PARD3B: variants seen among roughly 807,000 people sequenced by gnomAD.
PARD3B encodes the protein partitioning defective 3 homolog B.
In PARD3B, 103 loss-of-function variants were observed where a neutral mutation model predicts 130.2. That is an observed-to-expected ratio of 0.79 (90% CI 0.67 to 0.93). PARD3B has a LOEUF of 0.93. Ranked by LOEUF, PARD3B falls within the 40% of genes least tolerant of loss-of-function variation. The pLI is 0.00. For synonymous variants in PARD3B, 583 were observed against 553.2 expected (o/e 1.05, Z -0.76); for missense variants, 1,609 against 1,499.2 (o/e 1.07, Z -1.21).
chr2:204,885,325 GT>G (rs1029215051), intron 2 of PARD3B, among the ~76,000 whole-genome samples: 3 of 152,018 alleles, frequency 2.0e-5, no homozygotes, highest in Non-Finnish European at 4.4e-5. Flanking sequence ...TAATGGGGTT[GT>G]TTTTTTCTTG....
intron 10 of PARD3B, among the ~76,000 whole-genome samples, chr2:205,135,308 A>C (rs1393476379): frequency 6.6e-6 from 1 of 152,170 alleles, no homozygotes; most frequent in Non-Finnish European, 1.5e-5. Context: ...TGATCAGTAC[A>C]TTTGTTAAGG....
At chr2:205,132,061 A>G (rs377389234) in intron 10 of PARD3B, among the ~76,000 whole-genome samples, 24 of 152,210 alleles carry the variant, frequency 1.6e-4, no homozygotes, top group African/African-American at 5.8e-4. Flanking sequence ...AGTTGTTAGG[A>G]TTAAATGAGA....
intron 4 of PARD3B, among the ~76,000 whole-genome samples, chr2:205,057,653 A>G (rs1699794643): frequency 8.5e-6 from 1 of 117,308 alleles, no homozygotes; most frequent in Non-Finnish European, 1.8e-5. Context: ...GTGTATGTGT[A>G]TACGTACATA....
intron 18 of PARD3B, among the ~76,000 whole-genome samples, chr2:205,400,181 C>A (rs1334518318): frequency 6.6e-6 from 1 of 152,118 alleles, no homozygotes; most frequent in Non-Finnish European, 1.5e-5. Context: ...TAGTTTCTCA[C>A]TCTCTATTGC....
chr2:204,941,250 C>T (rs1688876210), intron 2 of PARD3B, among the ~76,000 whole-genome samples: 1 of 152,086 alleles, frequency 6.6e-6, no homozygotes, highest in Non-Finnish European at 1.5e-5. Flanking sequence ...GGCACGTGCC[C>T]ATAGTCCCGG....
chr2:205,313,722 C>T (rs2042469319), intron 18 of PARD3B, among the ~76,000 whole-genome samples: 1 of 152,154 alleles, frequency 6.6e-6, no homozygotes. Flanking sequence ...CCCTTTATCT[C>T]ATTACTTTTC....
In PARD3B at chr2:205,470,882, G is replaced by T. The variant is rs752723573; in HGVS notation, c.3045-29014G>T. Among the ~76,000 whole-genome samples the T allele has an allele frequency of 6.6e-6, 1 of 152,172 alleles. No individual in the cohort carries two copies. The highest frequency in any genetic ancestry group is 1.5e-5 in the Non-Finnish European group (1 of 68,028). ...CATTACAGACAAGTAGACATGGAAGGATACTTTAAAACAAAGTGTGTTTTC... is the reference window on the plus strand; with the variant it reads ...CATTACAGACAAGTAGACATGGAAGTATACTTTAAAACAAAGTGTGTTTTC... On this transcript the variant is annotated intron_variant, in intron 20 of 22. Transcript: ENST00000406610. The surrounding 1 kb of genome is among the most constrained non-coding windows in gnomAD (Gnocchi z 4.8).
intron 2 of PARD3B, among the ~76,000 whole-genome samples, chr2:204,733,697 G>C (rs1297053601): frequency 2.0e-5 from 3 of 152,060 alleles, no homozygotes; most frequent in African/African-American, 7.2e-5. Context: ...TTAGAAGATA[G>C]ATCAATAACT....
At chr2:205,082,537 G>A (rs1383179673) in intron 4 of PARD3B, among the ~76,000 whole-genome samples, 1 of 152,124 alleles carries the variant, frequency 6.6e-6, no homozygotes, top group African/African-American at 2.4e-5. Context: ...AACGCAGAAA[G>A]CAAAACTGCA....
At chr2:205,197,023 T>TGGG (rs5837962) in intron 15 of PARD3B, among the ~76,000 whole-genome samples, 18 of 130,638 alleles carry the variant, frequency 1.4e-4, no homozygotes, top group South Asian at 5.2e-4. Flanking sequence ...GCTTCCACTG[T>TGGG]GGGGGGGGGG....
rs1021869684 is a variant in PARD3B at position 205,016,262 on chromosome 2, T to C, written c.395-31319T>C. 3.3e-5 allele frequency among the ~76,000 whole-genome samples: 5 copies of C among 152,202 alleles called. No homozygotes were observed. The South Asian group carries it at 1.0e-3, about 32-fold the overall frequency. On this transcript the variant is annotated intron_variant, in intron 3 of 22. Coordinates refer to ENST00000406610, the MANE Select transcript of PARD3B (RefSeq NM_001302769.2). ...AACTGTAATGGCCTCCTCTAGCACA[T>C]AGAATGAAATGTAAACCCTTCTGCA...
intron 1 of PARD3B, among the ~76,000 whole-genome samples, chr2:204,681,865 G>A (rs1179814013): frequency 6.6e-6 from 1 of 152,162 alleles, no homozygotes; most frequent in Admixed American, 6.5e-5. Context: ...GTACATTTTT[G>A]TAATTCTCTA....
chr2:204,582,540 C>A (rs1206225880), intron 1 of PARD3B, among the ~76,000 whole-genome samples: 1 of 152,044 alleles, frequency 6.6e-6, no homozygotes, highest in Non-Finnish European at 1.5e-5. Context: ...AGAGTGACAC[C>A]CAACTTCTTA....
intron 18 of PARD3B, among the ~76,000 whole-genome samples, chr2:205,312,144 T>C (rs871140): frequency 0.34 from 51,705 of 152,152 alleles, 10,797 homozygotes; most frequent in Non-Finnish European, 0.46. Flanking sequence ...ATAAATGTAA[T>C]GTGGCCGCAG....
In PARD3B at chr2:205,525,128, G is replaced by A. The variant is rs1477334813; in HGVS notation, c.3180+25097G>A. On this transcript the variant is annotated intron_variant, in intron 21 of 22. Transcript: ENST00000406610. This position sits in a 1 kb window ranked among gnomAD's most constrained non-coding sequence, Gnocchi z 4.2. ...GCTGCAACTTTCTTATTCACACACA[G>A]TAAAGCAATGCCTAGCTCATGGTAT... 6.6e-6 allele frequency among the ~76,000 whole-genome samples: 1 copy of A among 152,148 alleles called. No homozygotes were observed. The highest frequency in any genetic ancestry group is 2.4e-5 in the African/African-American group (1 of 41,446).
chr2:205,001,571 C>T (rs1264979718), intron 3 of PARD3B, among the ~76,000 whole-genome samples: 1 of 152,210 alleles, frequency 6.6e-6, no homozygotes, highest in African/African-American at 2.4e-5. Flanking sequence ...AATACCTGGC[C>T]TTCCTGGTTG....
intron 2 of PARD3B, among the ~76,000 whole-genome samples, chr2:204,900,132 G>C (rs189139428): frequency 2.4e-4 from 36 of 152,044 alleles, no homozygotes; most frequent in Admixed American, 5.2e-4. Context: ...ACCTTCTTAT[G>C]CTTGAATATT....
chr2:204,658,183 C>T (rs1342150366), intron 1 of PARD3B, among the ~76,000 whole-genome samples: 1 of 152,014 alleles, frequency 6.6e-6, no homozygotes, highest in African/African-American at 2.4e-5. Context: ...TATTCAAAGA[C>T]ACTTTGAAGA....
intron 1 of PARD3B, among the ~76,000 whole-genome samples, chr2:204,570,798 CTG>C: frequency 6.7e-6 from 1 of 148,952 alleles, no homozygotes; most frequent in Non-Finnish European, 1.5e-5. Flanking sequence ...GCTGTTGTAA[CTG>C]AGGTGTATAA....
Sources: allele counts gnomAD v4.1 joint callset (sites outside exome capture counted in the v4.1 genomes callset), GRCh38; gene constraint gnomAD v4.1.1; non-coding constraint Gnocchi (gnomAD v3.1); transcripts MANE v1.5; gene names NCBI Gene and HGNC (gene_info 2026-07-23, HGNC 2026-07-21).